PDE4D: variants seen among roughly 807,000 people sequenced by gnomAD.
PDE4D encodes the protein 3',5'-cyclic-AMP phosphodiesterase 4D.
A neutral mutation model predicts 87.4 loss-of-function variants in PDE4D; 24 were observed. The ratio of observed to expected loss-of-function variants is 0.27; its 90% CI spans 0.20 to 0.39. PDE4D has a LOEUF of 0.39. Ranked by LOEUF, PDE4D falls within the 10% of genes least tolerant of loss-of-function variation. The pLI, the probability that PDE4D is intolerant of heterozygous loss-of-function variation, is 1.00. For missense variants in PDE4D, 714 were observed against 1,041.0 expected (o/e 0.69, Z 4.32); for synonymous variants, 384 against 383.2 (o/e 1.00, Z -0.02).
intron 1 of PDE4D, among the ~76,000 whole-genome samples, chr5:59,432,497 T>C (rs1041062186): frequency 1.3e-5 from 2 of 152,118 alleles, no homozygotes; most frequent in African/African-American, 2.4e-5. Flanking sequence ...AGCTTACAAA[T>C]TGTGAACATT....
In PDE4D at chr5:59,117,033, T is replaced by C. The variant is rs114063342; in HGVS notation, c.808+63562A>G. Among the ~76,000 whole-genome samples the C allele has an allele frequency of 7.4e-3, 1,131 of 152,260 alleles. 21 individuals carry two copies. Among genetic ancestry groups the C allele is most frequent in the African/African-American group, 0.025 (1,042 of 41,544 alleles). ...CAAGACTAAATACCAATAAAAATAC[T>C]TTATAGTACACAGTGGCTCCATGTG... is the stretch of plus-strand genomic sequence containing the variant. On this transcript the variant is annotated intron_variant, in intron 5 of 14. Coordinates refer to ENST00000340635, the MANE Select transcript of PDE4D (RefSeq NM_001104631.2).
intron 1 of PDE4D, among the ~76,000 whole-genome samples, chr5:60,373,030 G>A (rs1001816159): frequency 7.9e-5 from 12 of 152,104 alleles, no homozygotes; most frequent in African/African-American, 1.2e-4. Context: ...ACTCCCCTAC[G>A]TCAGTTTCTT....
At chr5:59,658,412 C>T (rs1159062981) in intron 1 of PDE4D, among the ~76,000 whole-genome samples, 2 of 151,502 alleles carry the variant, frequency 1.3e-5, no homozygotes, top group East Asian at 1.9e-4. Flanking sequence ...GACGGAGTCT[C>T]GCTCTGTCAC....
intron 1 of PDE4D, among the ~76,000 whole-genome samples, chr5:60,520,621 C>A (rs1420893668): frequency 1.3e-5 from 2 of 152,156 alleles, no homozygotes; most frequent in African/African-American, 2.4e-5. Context: ...GGCCAGCACT[C>A]AGATCTTCAC....
chr5:59,475,749 A>G (rs1803203995), intron 1 of PDE4D, among the ~76,000 whole-genome samples: 1 of 152,038 alleles, frequency 6.6e-6, no homozygotes, highest in South Asian at 2.1e-4. Flanking sequence ...TTCCAGACTC[A>G]GTCGTTGTAG....
In PDE4D at chr5:59,893,365, C is replaced by A. The variant is rs1013897220; in HGVS notation, c.258G>T (p.Pro86=). 1.6e-6 allele frequency: 2 copies of A among 1,237,496 alleles called. No homozygotes were observed. Among genetic ancestry groups the A allele is most frequent in the Non-Finnish European group, 2.0e-6 (2 of 991,472 alleles). 76.7% of individuals were successfully genotyped at this position (1,237,496 alleles called of 1,614,324 possible). Residue 86 remains proline, a synonymous_variant, in exon 1 of 15, where the codon CCG becomes CCT. Transcript: ENST00000340635. ...AGCGGCCGCGGGCAGCCCCGGGCGGCGGCGGGGGCGGCGGCAGGGGGGGCG... is the reference window on the plus strand; with the variant it reads ...AGCGGCCGCGGGCAGCCCCGGGCGGAGGCGGGGGCGGCGGCAGGGGGGGCG... ...PPPPPLPPPP[P]PPGAARGRYA...
At chr5:59,135,008 TG>T (rs1454717355) in intron 5 of PDE4D, among the ~76,000 whole-genome samples, 2 of 152,174 alleles carry the variant, frequency 1.3e-5, no homozygotes, top group East Asian at 3.9e-4. Context: ...GTTCAGCTAT[TG>T]GGTTGCAATG....
At chr5:60,267,204 C>T (rs1462573072) in intron 1 of PDE4D, among the ~76,000 whole-genome samples, 1 of 151,960 alleles carries the variant, frequency 6.6e-6, no homozygotes, top group Non-Finnish European at 1.5e-5. Flanking sequence ...AGCATATAAG[C>T]AAAGAGATGA....
intron 1 of PDE4D, among the ~76,000 whole-genome samples, chr5:59,362,782 T>A (rs554525779): frequency 4.9e-4 from 74 of 152,242 alleles, no homozygotes; most frequent in Non-Finnish European, 8.2e-4. Context: ...AAAGCAGTGA[T>A]GAAATTGCTA....
rs983590995 is a variant in PDE4D, at chr5:60,501,261, T to G, written n.70+20790A>C. Among the ~76,000 whole-genome samples the G allele has an allele frequency of 5.3e-5, 8 of 152,276 alleles. No individual in the cohort carries two copies. In the East Asian group the frequency reaches 9.7e-4, roughly 18 times the overall value. ...TAAGAATATGAGGTGTTTGGTTTTT[T>G]GTTCTTGCGATAGTTTACTGAGAAT... On this transcript the variant is annotated intron_variant and non_coding_transcript_variant, in intron 1 of 2. Coordinates refer to the PDE4D transcript ENST00000506510.
chr5:59,077,854 A>T (rs1450732105), intron 5 of PDE4D, among the ~76,000 whole-genome samples: 1 of 152,156 alleles, frequency 6.6e-6, no homozygotes, highest in Non-Finnish European at 1.5e-5. Context: ...TCTTTCTTGC[A>T]TAAGAACAAC....
Position 59,893,676 on chromosome 5 carries a change from C to G in PDE4D, c.-54G>C. 1 of 1,404,314 alleles carries G rather than the reference C, an allele frequency of 7.1e-7. No individual in the cohort carries two copies. The highest frequency in any genetic ancestry group is 9.2e-7 in the Non-Finnish European group (1 of 1,090,204). 87.0% of individuals were successfully genotyped at this position (1,404,314 alleles called of 1,614,324 possible). On this transcript the variant is annotated 5_prime_UTR_variant, in exon 1 of 15. Transcript: ENST00000340635. ...CCAGCCCGGGTTCACCGCGCTGGCCCGAGCGCCTTCCTGATGCTGCTGCTG... is the reference window on the plus strand; with the variant it reads ...CCAGCCCGGGTTCACCGCGCTGGCCGGAGCGCCTTCCTGATGCTGCTGCTG...
chr5:59,635,903 A>C (rs1366077958), intron 1 of PDE4D, among the ~76,000 whole-genome samples: 1 of 152,212 alleles, frequency 6.6e-6, no homozygotes, highest in Non-Finnish European at 1.5e-5. Context: ...GGCAAGAGAA[A>C]GAAATAAAAT....
chr5:59,548,580 G>A (rs2153686740), intron 1 of PDE4D, among the ~76,000 whole-genome samples: 1 of 152,284 alleles, frequency 6.6e-6, no homozygotes, highest in South Asian at 2.1e-4. Flanking sequence ...ATCTAAGTGT[G>A]CTGAATAGCT....
chr5:60,167,692 T>C (rs1783054502), intron 2 of PDE4D, among the ~76,000 whole-genome samples: 2 of 152,218 alleles, frequency 1.3e-5, no homozygotes, highest in African/African-American at 4.8e-5. Flanking sequence ...CTGTTTCTCA[T>C]TGTGGGTCAC....
chr5:59,936,303 T>C (rs1756572477), intron 3 of PDE4D, among the ~76,000 whole-genome samples: 2 of 151,978 alleles, frequency 1.3e-5, no homozygotes, highest in Admixed American at 1.3e-4. Flanking sequence ...GTGGCACGTG[T>C]ATACATATGT....
chr5:60,211,480 T>C (rs1479357685), intron 1 of PDE4D, among the ~76,000 whole-genome samples: 1 of 149,656 alleles, frequency 6.7e-6, no homozygotes, highest in Non-Finnish European at 1.5e-5. Context: ...AATATATATA[T>C]GTATATACAA....
At chr5:59,873,103 A>G (rs1748068531) in intron 1 of PDE4D, among the ~76,000 whole-genome samples, 2 of 152,208 alleles carry the variant, frequency 1.3e-5, no homozygotes, top group Admixed American at 6.5e-5. Flanking sequence ...ATGTATACAA[A>G]ACAGTGTTTG....
At chr5:60,292,919 G>A (rs965163774) in intron 1 of PDE4D, among the ~76,000 whole-genome samples, 2 of 152,024 alleles carry the variant, frequency 1.3e-5, no homozygotes, top group Non-Finnish European at 2.9e-5. Context: ...TTATGACATG[G>A]TCCAAAATGG....
Sources: allele counts gnomAD v4.1 joint callset (sites outside exome capture counted in the v4.1 genomes callset), GRCh38; gene constraint gnomAD v4.1.1; transcripts MANE v1.5; gene names NCBI Gene and HGNC (gene_info 2026-07-23, HGNC 2026-07-21).